PRRX1: variants seen among roughly 807,000 people sequenced by gnomAD.
The protein encoded by PRRX1 is paired mesoderm homeobox protein 1.
In PRRX1, 8 loss-of-function variants were observed where a neutral mutation model predicts 24.0. That is an observed-to-expected ratio of 0.33 (90% confidence interval 0.20 to 0.60). The LOEUF (loss-of-function observed/expected upper bound fraction) is 0.60, where lower values mean the gene tolerates loss of function less well. Ranked by LOEUF, PRRX1 falls within the 20% of genes least tolerant of loss-of-function variation. The pLI is 0.82. For missense variants in PRRX1, 281 were observed against 322.4 expected, an observed-to-expected ratio of 0.87 and a Z score of 0.98; for synonymous variants, 160 against 131.7, an observed-to-expected ratio of 1.22 and a Z score of -1.47.
rs544571007 is a variant in PRRX1 at position 170,701,097 on chromosome 1, C to T, written c.242-18629C>T. Among the ~76,000 whole-genome samples the T allele has an allele frequency of 9.2e-5, 14 of 152,290 alleles. No homozygotes were observed. The South Asian group carries it at 2.1e-3, about 23-fold the overall frequency. ...GTCCATTACAAACAGTATTTTTCCA[C>T]TGGTCAAAATGTGTATTTTTCCATC... On this transcript the variant is annotated intron_variant, in intron 1 of 3. Transcript: ENST00000239461.
intron 2 of PRRX1, among the ~76,000 whole-genome samples, chr1:170,723,583 T>C (rs898307717): frequency 6.6e-6 from 1 of 152,244 alleles, no homozygotes; most frequent in Non-Finnish European, 1.5e-5. Flanking sequence ...TGTATGATCA[T>C]GAATTGGATG....
chr1:170,719,658 A>AT (rs1420287785), intron 1 of PRRX1, 68 bp from the exon 2 acceptor site: 20 of 1,519,530 alleles, frequency 1.3e-5, no homozygotes, highest in Non-Finnish European at 1.7e-5. Context: ...TAGATATACC[A>AT]TAAAAAAGTC....
At chr1:170,717,294 C>A (rs1654934595) in intron 1 of PRRX1, among the ~76,000 whole-genome samples, 1 of 152,194 alleles carries the variant, frequency 6.6e-6, no homozygotes, top group South Asian at 2.1e-4. Flanking sequence ...TTATGGTAGA[C>A]AGTCAGTGGA....
chr1:170,664,488 T>G (rs773072402), intron 1 of PRRX1, 29 bp downstream of exon 1: 4 of 1,579,862 alleles, frequency 2.5e-6, no homozygotes, highest in Non-Finnish European at 3.4e-6. Flanking sequence ...CCCACGGGGG[T>G]GTGTGCCCGG....
At chr1:170,683,103 T>C (rs1287045466) in intron 1 of PRRX1, among the ~76,000 whole-genome samples, 1 of 152,190 alleles carries the variant, frequency 6.6e-6, no homozygotes, top group Non-Finnish European at 1.5e-5. Flanking sequence ...ATATTCAAAG[T>C]GTGATGACAA....
chr1:170,720,261 G>A (rs1300208322), intron 2 of PRRX1, among the ~76,000 whole-genome samples: 2 of 152,130 alleles, frequency 1.3e-5, no homozygotes, highest in African/African-American at 4.8e-5. Context: ...CTGGGTGACA[G>A]AGTGAGACCC....
At chr1:170,706,790 G>A (rs1654585125) in intron 1 of PRRX1, among the ~76,000 whole-genome samples, 1 of 152,122 alleles carries the variant, frequency 6.6e-6, no homozygotes, top group Non-Finnish European at 1.5e-5. Flanking sequence ...GGCCAGAAAA[G>A]CTTAGTGCCA....
At chr1:170,683,266 G>A (rs999165428) in intron 1 of PRRX1, among the ~76,000 whole-genome samples, 1 of 151,976 alleles carries the variant, frequency 6.6e-6, no homozygotes, top group Non-Finnish European at 1.5e-5. Context: ...AGAGATGATG[G>A]TGTCTTGAAC....
intron 1 of PRRX1, among the ~76,000 whole-genome samples, chr1:170,670,339 G>A (rs74123153): frequency 2.4e-4 from 36 of 152,276 alleles, no homozygotes; most frequent in African/African-American, 8.2e-4. Context: ...TGGTGAGCAG[G>A]CAAGCACTCA....
At chr1:170,704,278 C>T (rs909089980) in intron 1 of PRRX1, among the ~76,000 whole-genome samples, 9 of 152,164 alleles carry the variant, frequency 5.9e-5, no homozygotes, top group Admixed American at 1.3e-4. Context: ...AACCTCTCAA[C>T]GCTGGGAAGT....
At chr1:170,721,776 C>T (rs1655092432) in intron 2 of PRRX1, among the ~76,000 whole-genome samples, 1 of 152,302 alleles carries the variant, frequency 6.6e-6, no homozygotes, top group Non-Finnish European at 1.5e-5. Flanking sequence ...CTCAACACTG[C>T]TTACCGCAAA....
chr1:170,668,007 AC>A (rs1199529498), intron 1 of PRRX1: 1 of 127,248 alleles, frequency 7.9e-6, no homozygotes, highest in South Asian at 2.6e-4. Flanking sequence ...TTCTGTCCCC[AC>A]CCCCACCTTG....
intron 1 of PRRX1, among the ~76,000 whole-genome samples, chr1:170,706,554 G>A (rs1184713703): frequency 6.6e-6 from 1 of 152,084 alleles, no homozygotes; most frequent in East Asian, 1.9e-4. Flanking sequence ...ATCCACTGAC[G>A]TTCCCCCGTA....
At chr1:170,703,928 G>A (rs1004480761) in intron 1 of PRRX1, among the ~76,000 whole-genome samples, 15 of 152,288 alleles carry the variant, frequency 9.8e-5, no homozygotes, top group African/African-American at 3.1e-4. Flanking sequence ...TGTGTGAATC[G>A]AGCACTAGCT....
At chr1:170,700,203 A>G (rs1164393070) in intron 1 of PRRX1, among the ~76,000 whole-genome samples, 1 of 152,176 alleles carries the variant, frequency 6.6e-6, no homozygotes, top group Admixed American at 6.5e-5. Context: ...AGTTGGTTCA[A>G]GCCAAATTCA....
rs1054054630 is a variant in PRRX1 at position 170,738,479 on chromosome 1, A to C, written c.*2293A>C. On this transcript the variant is annotated 3_prime_UTR_variant, in exon 4 of 4. Coordinates refer to ENST00000239461, the MANE Select transcript of PRRX1 (RefSeq NM_022716.4). Reference sequence around the variant, plus strand: ...CATGTAGGCTTGCTGAACAGCACGCATTACTTGCTTCCTGAAGAGTTCCCC... The same window carrying C: ...CATGTAGGCTTGCTGAACAGCACGCCTTACTTGCTTCCTGAAGAGTTCCCC... 15 of 228,798 alleles carry C rather than the reference A, an allele frequency of 6.6e-5. No homozygotes were observed. The highest frequency in any genetic ancestry group is 3.3e-4 in the African/African-American group (15 of 45,136). 14.2% of individuals were successfully genotyped at this position (228,798 alleles called of 1,614,324 possible).
intron 1 of PRRX1, among the ~76,000 whole-genome samples, chr1:170,711,558 T>C (rs1278467360): frequency 6.6e-6 from 1 of 152,156 alleles, no homozygotes; most frequent in African/African-American, 2.4e-5. Context: ...GCTTACCAGA[T>C]TTTTCTTTAG....
chr1:170,683,473 GTCTCATCTTTTCTC>G (rs1653624050), intron 1 of PRRX1, among the ~76,000 whole-genome samples: 1 of 152,150 alleles, frequency 6.6e-6, no homozygotes, highest in South Asian at 2.1e-4. Flanking sequence ...TCTTTTCTCA[GTCTCATCTTTTCTC>G]TGTTTCTGTA....
chr1:170,691,045 G>A (rs927195918), intron 1 of PRRX1, among the ~76,000 whole-genome samples: 8 of 152,068 alleles, frequency 5.3e-5, no homozygotes, highest in Non-Finnish European at 8.8e-5. Flanking sequence ...CAAAATTTAG[G>A]GATGGATAAT....
Sources: allele counts gnomAD v4.1 joint callset (sites outside exome capture counted in the v4.1 genomes callset), GRCh38; gene constraint gnomAD v4.1.1; transcripts MANE v1.5; gene names NCBI Gene and HGNC (gene_info 2026-07-23, HGNC 2026-07-21).